RBM27: variants seen among roughly 807,000 people sequenced by gnomAD.
RBM27 encodes RNA binding motif protein 27, also known as RNA-binding protein 27.
A neutral mutation model predicts 135.3 loss-of-function variants in RBM27; 22 were observed. That is an observed-to-expected ratio of 0.16 (90% confidence interval 0.12 to 0.23). RBM27 has a LOEUF of 0.23. Among genes scored for constraint, RBM27 ranks in the 10% least tolerant of loss-of-function variants. The probability of loss-of-function intolerance (pLI) is 1.00; values close to 1 mark genes in which losing one functional copy is unlikely to be tolerated. For synonymous variants in RBM27, 481 were observed against 442.4 expected (o/e 1.09, Z -1.10); for missense variants, 1,009 against 1,281.0 (o/e 0.79, Z 3.24).
intron 3 of RBM27, among the ~76,000 whole-genome samples, chr5:146,227,476 T>C (rs1581160681): frequency 6.6e-6 from 1 of 152,248 alleles, no homozygotes; most frequent in East Asian, 1.9e-4. Context: ...CTGAATTTTA[T>C]TAAATTATTA....
intron 19 of RBM27, among the ~76,000 whole-genome samples, chr5:146,280,502 A>G (rs1759291730): frequency 6.6e-6 from 1 of 152,190 alleles, no homozygotes; most frequent in Admixed American, 6.5e-5. Flanking sequence ...GAAATAGAAC[A>G]TTTCCAATAC....
intron 10 of RBM27, among the ~76,000 whole-genome samples, chr5:146,258,120 A>G (rs950106203): frequency 1.1e-4 from 17 of 152,050 alleles, no homozygotes; most frequent in Admixed American, 1.0e-3. Context: ...TGCCTGGCCC[A>G]GAGCTCTCCA....
chr5:146,243,919 A>G lies in RBM27; in HGVS notation c.1279+6487A>G, dbSNP rs552451596. 2.0e-5 allele frequency among the ~76,000 whole-genome samples: 3 copies of G among 152,282 alleles called. No homozygotes were observed. In the South Asian group the frequency reaches 6.2e-4, roughly 32 times the overall value. ...CTGCTCAGTGTTAGGTACTAGGAATATACAGATGAATAAGAAATGGTCATC... is the reference window on the plus strand; with the variant it reads ...CTGCTCAGTGTTAGGTACTAGGAATGTACAGATGAATAAGAAATGGTCATC... On this transcript the variant is annotated intron_variant, in intron 8 of 20. Coordinates refer to ENST00000265271, the MANE Select transcript of RBM27 (RefSeq NM_018989.2).
chr5:146,234,564 G>T (rs1310900533), intron 7 of RBM27, among the ~76,000 whole-genome samples: 1 of 151,462 alleles, frequency 6.6e-6, no homozygotes, highest in Non-Finnish European at 1.5e-5. Flanking sequence ...GCAAAATTAG[G>T]AGTAAGAAAT....
intron 1 of RBM27, among the ~76,000 whole-genome samples, chr5:146,204,515 C>T (rs1383585849): frequency 1.6e-5 from 2 of 127,690 alleles, no homozygotes; most frequent in African/African-American, 3.2e-5. Flanking sequence ...GCTAGGGGAA[C>T]TGATGACTTT....
Position 146,203,798 on chromosome 5 carries a change from C to T in RBM27, c.33C>T (p.Ser11=), listed in dbSNP as rs1405342222. The T allele has an allele frequency of 6.5e-7, 1 of 1,530,012 alleles. No homozygotes were observed. The highest frequency in any genetic ancestry group is 8.8e-7 in the Non-Finnish European group (1 of 1,134,072). 94.8% of individuals were successfully genotyped at this position (1,530,012 alleles called of 1,614,324 possible). The change falls in exon 1 of 21, where the codon TCC becomes TCT. Residue 11 remains serine, a synonymous_variant. Transcript: ENST00000265271. MLIEDVDALK[S]WLAKLLEPIC... Reference sequence around the variant, plus strand: ...TAGAGGATGTGGATGCCCTCAAGTCCTGGCTGGCCAAGTTACTGGAGCCGA... The same window carrying T: ...TAGAGGATGTGGATGCCCTCAAGTCTTGGCTGGCCAAGTTACTGGAGCCGA...
intron 15 of RBM27, 83 bp from the exon 16 acceptor site, chr5:146,269,124 G>A: frequency 2.2e-6 from 2 of 896,030 alleles, no homozygotes; most frequent in Non-Finnish European, 3.5e-6. Context: ...AGGACAGTCT[G>A]TCTCAGGGAT....
chr5:146,263,378 C>CT, intron 13 of RBM27, 113 bp from the exon 14 acceptor site: 1 of 1,019,336 alleles, frequency 9.8e-7, no homozygotes, highest in South Asian at 1.7e-5. Context: ...ATTGAAGCAC[C>CT]TTCCCGTTCC....
intron 2 of RBM27, among the ~76,000 whole-genome samples, chr5:146,221,711 C>T (rs1336348765): frequency 6.6e-5 from 10 of 152,214 alleles, no homozygotes; most frequent in South Asian, 2.1e-4. Context: ...GGATTACAGG[C>T]GTGAGCCACT....
chr5:146,286,633 C>G lies in RBM27; in HGVS notation c.*603C>G, dbSNP rs1759595637. ...AGTACTAGTTCAGTGAAAATCACAA[C>G]AAACTGTGTGTTCTTAAATGCTACA... On this transcript the variant is annotated 3_prime_UTR_variant, in exon 21 of 21. Coordinates refer to ENST00000265271, the MANE Select transcript of RBM27 (RefSeq NM_018989.2). The G allele has an allele frequency of 6.6e-6, 1 of 151,450 alleles. No homozygotes were observed. The highest frequency in any genetic ancestry group is 1.5e-5 in the Non-Finnish European group (1 of 67,956). 9.4% of individuals were successfully genotyped at this position (151,450 alleles called of 1,614,324 possible). A position where few individuals can be genotyped will look rare whatever the true frequency, so the allele number is the denominator to read the frequency against.
intron 11 of RBM27, 90 bp from the exon 12 acceptor site, chr5:146,260,655 A>G: frequency 8.2e-7 from 1 of 1,216,252 alleles, no homozygotes; most frequent in Non-Finnish European, 1.1e-6. Flanking sequence ...GGCACTTAAA[A>G]AAATTATAAA....
intron 19 of RBM27, among the ~76,000 whole-genome samples, chr5:146,279,317 C>T (rs1009968256): frequency 1.2e-4 from 18 of 151,276 alleles, no homozygotes; most frequent in Non-Finnish European, 2.4e-4. Flanking sequence ...GGCATGGTGG[C>T]GTGCACCTGG....
At chr5:146,220,440 A>G (rs1756397766) in intron 2 of RBM27, among the ~76,000 whole-genome samples, 2 of 148,462 alleles carry the variant, frequency 1.3e-5, no homozygotes, top group Non-Finnish European at 3.0e-5. Context: ...GCGCCACTGC[A>G]TTCCAGAATG....
chr5:146,287,716 G>T lies in RBM27; in HGVS notation c.*1686G>T, dbSNP rs139391673. 6.6e-6 allele frequency: 1 copy of T among 151,938 alleles called. No individual in the cohort carries two copies. Among genetic ancestry groups the T allele is most frequent in the African/African-American group, 2.4e-5 (1 of 41,376 alleles). 9.4% of individuals were successfully genotyped at this position (151,938 alleles called of 1,614,324 possible). On this transcript the variant is annotated 3_prime_UTR_variant, in exon 21 of 21. Coordinates refer to ENST00000265271, the MANE Select transcript of RBM27 (RefSeq NM_018989.2). ...TTCCTGGAATGATGTGTCAAACCAGGGTCATTTTTAAGTTCATATAATTTT... is the reference window on the plus strand; with the variant it reads ...TTCCTGGAATGATGTGTCAAACCAGTGTCATTTTTAAGTTCATATAATTTT...
At chr5:146,217,360 A>AT (rs137857770) in intron 1 of RBM27, among the ~76,000 whole-genome samples, 9,085 of 152,154 alleles carry the variant, frequency 0.06, 408 homozygotes, top group Non-Finnish European at 0.083. Context: ...AACTTTAAGC[A>AT]TAAAAACTAG....
At chr5:146,216,683 G>A (rs1048891674) in intron 1 of RBM27, among the ~76,000 whole-genome samples, 1 of 151,838 alleles carries the variant, frequency 6.6e-6, no homozygotes, top group Admixed American at 6.6e-5. Flanking sequence ...TTTGAGACAG[G>A]GTCTCACTGT....
Position 146,287,572 on chromosome 5 carries a change from A to G in RBM27, c.*1542A>G, listed in dbSNP as rs1187839340. On this transcript the variant is annotated 3_prime_UTR_variant, in exon 21 of 21. Coordinates refer to ENST00000265271, the MANE Select transcript of RBM27 (RefSeq NM_018989.2). ...TCAAGGATTTTGTTTGCTGAGGTAA[A>G]GACAATTTCTCAATATAGAAACTAT... The G allele has an allele frequency of 6.6e-6, 1 of 152,136 alleles. No homozygotes were observed. Among genetic ancestry groups the G allele is most frequent in the Non-Finnish European group, 1.5e-5 (1 of 68,004 alleles). The allele number at this position is 152,136 out of a possible 1,614,324, so 9.4% of individuals were successfully genotyped here. A position where few individuals can be genotyped will look rare whatever the true frequency, so the allele number is the denominator to read the frequency against.
intron 2 of RBM27, among the ~76,000 whole-genome samples, chr5:146,222,134 A>AAC (rs1756485800): frequency 6.6e-6 from 1 of 152,208 alleles, no homozygotes; most frequent in East Asian, 1.9e-4. Flanking sequence ...GGGTCTGATT[A>AAC]TTGTCTTAAG....
intron 1 of RBM27, among the ~76,000 whole-genome samples, chr5:146,212,706 G>C (rs1430158843): frequency 6.6e-6 from 1 of 151,386 alleles, no homozygotes; most frequent in African/African-American, 2.4e-5. Flanking sequence ...TTGTATTATA[G>C]TATATTACAT....
Sources: allele counts gnomAD v4.1 joint callset (sites outside exome capture counted in the v4.1 genomes callset), GRCh38; gene constraint gnomAD v4.1.1; transcripts MANE v1.5; gene names NCBI Gene and HGNC (gene_info 2026-07-23, HGNC 2026-07-21).